Variants in ERBB4 observed in about 807,000 individuals in gnomAD.
ERBB4 encodes the protein receptor tyrosine-protein kinase erbB-4.
Under a neutral mutation model 158.0 loss-of-function variants are expected in ERBB4, and 42 were observed. The observed-to-expected ratio is 0.27, with a 90% confidence interval of 0.21 to 0.34. The LOEUF (loss-of-function observed/expected upper bound fraction) is 0.34. Among genes scored for constraint, ERBB4 ranks in the 10% least tolerant of loss-of-function variants. The pLI, the probability that ERBB4 is intolerant of heterozygous loss-of-function variation, is 1.00. For missense variants in ERBB4, 1,333 were observed against 1,624.1 expected, an observed-to-expected ratio of 0.82 and a Z score of 3.08; for synonymous variants, 583 against 558.7, an observed-to-expected ratio of 1.04 and a Z score of -0.61.
intron 5 of ERBB4, among the ~76,000 whole-genome samples, chr2:211,734,639 A>T (rs1158112827): frequency 2.0e-5 from 3 of 148,688 alleles, no homozygotes; most frequent in Non-Finnish European, 3.0e-5. Flanking sequence ...AAAAAAAAAA[A>T]GCTGGGCGCG....
At chr2:212,098,483 T>C (rs930094141) in intron 2 of ERBB4, among the ~76,000 whole-genome samples, 2 of 152,100 alleles carry the variant, frequency 1.3e-5, no homozygotes, top group African/African-American at 4.8e-5. Flanking sequence ...AATACAAATA[T>C]ATAGAGTTTG....
At chr2:212,051,134 C>G (rs555790096) in intron 2 of ERBB4, among the ~76,000 whole-genome samples, 10 of 152,248 alleles carry the variant, frequency 6.6e-5, no homozygotes, top group African/African-American at 2.4e-4. Flanking sequence ...ACCTCCTATT[C>G]AGAAATTAAA....
At chr2:211,632,549 T>A (rs2070183514) in intron 16 of ERBB4, among the ~76,000 whole-genome samples, 1 of 152,082 alleles carries the variant, frequency 6.6e-6, no homozygotes, top group South Asian at 2.1e-4. Flanking sequence ...GTATACATAT[T>A]TATGTAAATA....
At chr2:211,995,474 T>C (rs970545733) in intron 2 of ERBB4, among the ~76,000 whole-genome samples, 5 of 152,138 alleles carry the variant, frequency 3.3e-5, no homozygotes, top group Admixed American at 3.3e-4. Context: ...GTGTCTATGC[T>C]GACCAGGCTG....
At chr2:212,409,710 G>T (rs1231324388) in intron 1 of ERBB4, among the ~76,000 whole-genome samples, 1 of 152,096 alleles carries the variant, frequency 6.6e-6, no homozygotes, top group Non-Finnish European at 1.5e-5. Flanking sequence ...TAAATTTGCA[G>T]AATGAGTTGT....
chr2:211,758,465 G>A (rs2075334905), intron 4 of ERBB4, among the ~76,000 whole-genome samples: 1 of 152,112 alleles, frequency 6.6e-6, no homozygotes, highest in African/African-American at 2.4e-5. Flanking sequence ...TTCCAAACCA[G>A]GCACTTTTAA....
At chr2:211,717,566 A>C (rs1211461597) in intron 7 of ERBB4, among the ~76,000 whole-genome samples, 1 of 152,098 alleles carries the variant, frequency 6.6e-6, no homozygotes, top group Non-Finnish European at 1.5e-5. Flanking sequence ...GCGGTGGCTC[A>C]CGCCTGTAAT....
chr2:212,504,518 T>C (rs1187295635), intron 1 of ERBB4, among the ~76,000 whole-genome samples: 1 of 152,018 alleles, frequency 6.6e-6, no homozygotes, highest in Non-Finnish European at 1.5e-5. Context: ...AAATTTTCGT[T>C]AATCTCAAAG....
chr2:211,654,046 C>T (rs569570285), intron 16 of ERBB4, among the ~76,000 whole-genome samples: 52 of 152,234 alleles, frequency 3.4e-4, no homozygotes, highest in South Asian at 1.7e-3. Context: ...TTGACAGATG[C>T]TTTGAAAAAC....
At chr2:212,060,892 T>C (rs2077741801) in intron 2 of ERBB4, among the ~76,000 whole-genome samples, 1 of 150,398 alleles carries the variant, frequency 6.6e-6, no homozygotes, top group African/African-American at 2.4e-5. Context: ...CACACCAACA[T>C]GGCGCCTGTA....
chr2:212,125,697 G>A (rs1200397087), intron 1 of ERBB4, among the ~76,000 whole-genome samples: 1 of 152,144 alleles, frequency 6.6e-6, no homozygotes, highest in African/African-American at 2.4e-5. Context: ...GCTTTAGTTT[G>A]CTAAGGATAA....
chr2:212,246,729 A>G (rs766433855), intron 1 of ERBB4, among the ~76,000 whole-genome samples: 2 of 152,166 alleles, frequency 1.3e-5, no homozygotes, highest in Non-Finnish European at 2.9e-5. Context: ...ATGCTGAGGA[A>G]TAAGTACTCA....
At chr2:211,902,149 C>G (rs2079253202) in intron 3 of ERBB4, among the ~76,000 whole-genome samples, 1 of 152,020 alleles carries the variant, frequency 6.6e-6, no homozygotes, top group South Asian at 2.1e-4. Context: ...CTTCATTGTA[C>G]TATACATGCT....
intron 14 of ERBB4, among the ~76,000 whole-genome samples, chr2:211,670,083 T>C (rs2105931259): frequency 6.6e-6 from 1 of 152,326 alleles, no homozygotes; most frequent in African/African-American, 2.4e-5. Context: ...GATGACTTCT[T>C]CCTCAATTTC....
chr2:212,446,603 A>G (rs1031384969), intron 1 of ERBB4, among the ~76,000 whole-genome samples: 1 of 25,442 alleles, frequency 3.9e-5, no homozygotes, highest in Non-Finnish European at 7.3e-5. Flanking sequence ...ATATATATAT[A>G]TATATATATA....
chr2:211,487,285 T>A (rs2065231822), intron 20 of ERBB4, among the ~76,000 whole-genome samples: 1 of 151,828 alleles, frequency 6.6e-6, no homozygotes, highest in Admixed American at 6.6e-5. Flanking sequence ...GCTTTATTTT[T>A]CTGCTTAAAA....
At chr2:211,932,302 T>C (rs1041356125) in intron 3 of ERBB4, among the ~76,000 whole-genome samples, 15 of 152,014 alleles carry the variant, frequency 9.9e-5, no homozygotes, top group African/African-American at 3.4e-4. Flanking sequence ...ACTTTATGCG[T>C]AAGTCTTAGA....
intron 1 of ERBB4, among the ~76,000 whole-genome samples, chr2:212,399,771 C>T (rs2091148297): frequency 6.7e-6 from 1 of 150,272 alleles, no homozygotes; most frequent in South Asian, 2.1e-4. Flanking sequence ...CCCAGCTGCT[C>T]AGGAGGCTGA....
intron 25 of ERBB4, among the ~76,000 whole-genome samples, chr2:211,417,879 G>A (rs1185099828): frequency 6.6e-6 from 1 of 152,074 alleles, no homozygotes; most frequent in Non-Finnish European, 1.5e-5. Flanking sequence ...AAGTGAAATT[G>A]ATGATTCTAA....
Sources: allele counts gnomAD v4.1 joint callset (sites outside exome capture counted in the v4.1 genomes callset), GRCh38; gene constraint gnomAD v4.1.1; transcripts MANE v1.5; gene names NCBI Gene and HGNC (gene_info 2026-07-23, HGNC 2026-07-21).